The following RIT1 variants were observed in gnomAD, a reference collection of about 807,000 sequenced individuals.
RIT1 encodes the protein GTP-binding protein Rit1.
In RIT1, 6 loss-of-function variants were observed where a neutral mutation model predicts 25.6. The observed-to-expected ratio is 0.23, with a 90% CI of 0.13 to 0.46. The LOEUF (loss-of-function observed/expected upper bound fraction) is 0.46, where lower values mean the gene tolerates loss of function less well. Ranked by LOEUF, RIT1 falls within the 20% of genes least tolerant of loss-of-function variation. The pLI is 0.99. For missense variants in RIT1, 219 were observed against 284.4 expected (o/e 0.77, Z 1.65); for synonymous variants, 81 against 94.1 (o/e 0.86, Z 0.80).
At chr1:155,902,985 A>ACC (rs1673344330) in intron 5 of RIT1, among the ~76,000 whole-genome samples, 1 of 149,276 alleles carries the variant, frequency 6.7e-6, no homozygotes, top group Non-Finnish European at 1.5e-5. Flanking sequence ...ACATGGTGAA[A>ACC]CCCCGTCTCT....
chr1:155,909,027 G>C (rs937310874), intron 3 of RIT1, among the ~76,000 whole-genome samples: 2 of 152,058 alleles, frequency 1.3e-5, no homozygotes, highest in Non-Finnish European at 2.9e-5. Context: ...GCAGAGGCCT[G>C]ACCCAATGGA....
chr1:155,904,801 T>A lies in RIT1; in HGVS notation c.167A>T (p.Asp56Val). Residue 56 changes from aspartate to valine, a missense_variant, in exon 4 of 6, where the codon GAT becomes GTT. Coordinates refer to ENST00000368323, the MANE Select transcript of RIT1 (RefSeq NM_006912.6). ...FPEDHDPTIE[D>V]AYKIRIRIDD... ...AATACGGATCCTGATCTTATAAGCA[T>A]CTTCTACAGGAGGGAAGAAAGGTGT... is the stretch of plus-strand genomic sequence containing the variant. 6.2e-7 allele frequency: 1 copy of A among 1,607,086 alleles called. No individual in the cohort carries two copies. Among genetic ancestry groups the A allele is most frequent in the Non-Finnish European group, 8.5e-7 (1 of 1,173,712 alleles).
At chr1:155,903,312 G>A (rs1267395590) in intron 5 of RIT1, among the ~76,000 whole-genome samples, 1 of 151,630 alleles carries the variant, frequency 6.6e-6, no homozygotes, top group Non-Finnish European at 1.5e-5. Context: ...AATTAGCCGG[G>A]CGTGGTGGCA....
chr1:155,901,530 C>T (rs1321695118), intron 5 of RIT1, among the ~76,000 whole-genome samples: 2 of 151,934 alleles, frequency 1.3e-5, no homozygotes, highest in Admixed American at 6.6e-5. Context: ...CCCAGTTACT[C>T]GTGAGGCTGA....
chr1:155,909,921 C>CAAAAAAAAA (rs375935351), intron 3 of RIT1, among the ~76,000 whole-genome samples: 1 of 108,662 alleles, frequency 9.2e-6, no homozygotes, highest in Non-Finnish European at 1.8e-5. Context: ...GACTCCATCT[C>CAAAAAAAAA]AAAAAAAAAA....
At chr1:155,907,027 G>C (rs934759633) in intron 3 of RIT1, among the ~76,000 whole-genome samples, 7 of 151,614 alleles carry the variant, frequency 4.6e-5, no homozygotes, top group Non-Finnish European at 7.4e-5. Flanking sequence ...AGGATCACCT[G>C]AACCCAGGAG....
intron 5 of RIT1, 81 bp downstream of exon 5, chr1:155,904,230 C>G: frequency 8.7e-7 from 1 of 1,148,418 alleles, no homozygotes; most frequent in Non-Finnish European, 1.2e-6. Flanking sequence ...ATCTGTAAGC[C>G]AAGCCAAGAA....
intron 3 of RIT1, chr1:155,910,242 G>C (rs1673562677): frequency 1.8e-6 from 1 of 566,910 alleles, no homozygotes; most frequent in South Asian, 2.2e-5. Flanking sequence ...TGTTCAGTAA[G>C]AGACAAAGAC....
Position 155,910,711 on chromosome 1 carries a change from C to T in RIT1, c.51G>A (p.Gly17=), listed in dbSNP as rs1346635558. The T allele has an allele frequency of 1.2e-6, 2 of 1,614,264 alleles. No homozygotes were observed. Among genetic ancestry groups the T allele is most frequent in the Admixed American group, 3.3e-5 (2 of 60,032 alleles). ...TCACTAGTTTGTACTCCCGTGAGAG[C>T]CCAGCGGGGCTGCTACAGCAGCTAC... is the stretch of plus-strand genomic sequence containing the variant. The part of the protein sequence containing the change: ...PVGSCCSSPA[G]LSREYKLVML... The change falls in exon 2 of 6, where the codon GGG becomes GGA. Residue 17 remains glycine (G), a synonymous_variant. Transcript: ENST00000368323.
At chr1:155,906,498 T>C (rs928414179) in intron 3 of RIT1, among the ~76,000 whole-genome samples, 1 of 152,054 alleles carries the variant, frequency 6.6e-6, no homozygotes, top group Non-Finnish European at 1.5e-5. Flanking sequence ...CAGTGGTTCA[T>C]GCCTGTAATC....
At chr1:155,911,189 A>T in intron 1 of RIT1, 54 bp downstream of exon 1, 1 of 417,806 alleles carries the variant, frequency 2.4e-6, no homozygotes, top group Non-Finnish European at 4.3e-6. Flanking sequence ...TCTCCTCCGA[A>T]CCCCCTCCCC....
chr1:155,908,649 G>A (rs551099445), intron 3 of RIT1, among the ~76,000 whole-genome samples: 9 of 145,380 alleles, frequency 6.2e-5, no homozygotes, highest in African/African-American at 2.3e-4. Flanking sequence ...TGCAACCTCC[G>A]CCTCCCAGGT....
At chr1:155,904,888 A>G in intron 3 of RIT1, 84 bp from the exon 4 acceptor site, 4 of 860,872 alleles carry the variant, frequency 4.6e-6, no homozygotes, top group Non-Finnish European at 7.7e-6. Context: ...AGAGTAGTAC[A>G]TTGTATCCAA....
At chr1:155,911,135 TTC>T (rs1300877548) in intron 1 of RIT1, 106 bp downstream of exon 1, 4 of 561,268 alleles carry the variant, frequency 7.1e-6, no homozygotes, top group Non-Finnish European at 9.4e-6. Flanking sequence ...GCCGCAGGGG[TTC>T]TCTCACGTCT....
chr1:155,904,879 G>C (rs1673403652), intron 3 of RIT1, 75 bp from the exon 4 acceptor site: 7 of 964,614 alleles, frequency 7.3e-6, no homozygotes, highest in Non-Finnish European at 1.0e-5. Context: ...TCATCTTACA[G>C]AGTAGTACAT....
rs532310086 is a variant in RIT1 at position 155,910,820 on chromosome 1, G to A, written c.-43-16C>T. ...GAAAAGCCACCTAGAAAAGGAGGAG[G>A]AAATGCTTAATCCAGGATGGAGACA... On this transcript the variant is annotated splice_polypyrimidine_tract_variant and intron_variant, in intron 1 of 5. Transcript: ENST00000368323. The A allele has an allele frequency of 5.6e-6, 9 of 1,613,782 alleles. No individual in the cohort carries two copies. The highest frequency in any genetic ancestry group is 4.0e-5 in the African/African-American group (3 of 75,018).
chr1:155,910,917 C>A, intron 1 of RIT1, 113 bp from the exon 2 acceptor site: 1 of 1,554,808 alleles, frequency 6.4e-7, no homozygotes, highest in Non-Finnish European at 8.7e-7. Flanking sequence ...TTACTCTGGC[C>A]TGTCCCTCTT....
At chr1:155,910,558 G>GAA in intron 2 of RIT1, 52 bp from the exon 3 acceptor site, 1 of 1,610,058 alleles carries the variant, frequency 6.2e-7, no homozygotes, top group Non-Finnish European at 8.5e-7. Context: ...CCCACAGAGA[G>GAA]AATTTTAAGT....
Position 155,900,284 on chromosome 1 carries a change from T to TTA in RIT1, c.*102_*103dup. ...AAAACTCCTAGTAGGCATGTCCCTC[T>TTA]TATCAGTTAAGTGAAAGAGCAAGCA... On this transcript the variant is annotated 3_prime_UTR_variant, in exon 6 of 6. Transcript: ENST00000368323. 2.6e-6 allele frequency: 2 copies of TTA among 775,176 alleles called. No homozygotes were observed. Among genetic ancestry groups the TTA allele is most frequent in the East Asian group, 4.9e-5 (2 of 40,876 alleles). 48.0% of individuals were successfully genotyped at this position (775,176 alleles called of 1,614,324 possible).
Sources: allele counts gnomAD v4.1 joint callset (sites outside exome capture counted in the v4.1 genomes callset), GRCh38; gene constraint gnomAD v4.1.1; transcripts MANE v1.5; gene names NCBI Gene and HGNC (gene_info 2026-07-23, HGNC 2026-07-21).